The following PID1 variants were observed in gnomAD, a reference collection of about 807,000 sequenced individuals.
The protein encoded by PID1 is phosphotyrosine interaction domain containing 1.
In PID1, 10 loss-of-function variants were observed where a neutral mutation model predicts 19.1. That is an observed-to-expected ratio of 0.52 (90% CI 0.32 to 0.89). The LOEUF (loss-of-function observed/expected upper bound fraction) is 0.89, where lower values mean the gene tolerates loss of function less well. Ranked by LOEUF, PID1 falls within the 40% of genes least tolerant of loss-of-function variation. The pLI is 0.03. For synonymous variants in PID1, 130 were observed against 116.0 expected (o/e 1.12, Z -0.78); for missense variants, 248 against 285.3 (o/e 0.87, Z 0.94).
At chr2:229,087,434 T>C (rs1391700217) in intron 2 of PID1, among the ~76,000 whole-genome samples, 1 of 152,140 alleles carries the variant, frequency 6.6e-6, no homozygotes, top group African/African-American at 2.4e-5. Context: ...CCTTGGGAGA[T>C]AGTGACTGGC....
At chr2:229,027,771 G>A (rs190445948) in intron 2 of PID1, among the ~76,000 whole-genome samples, 5 of 152,332 alleles carry the variant, frequency 3.3e-5, no homozygotes, top group East Asian at 3.9e-4. Flanking sequence ...CTGAGCACAC[G>A]TAAAGCGGTA....
chr2:229,094,316 A>G (rs1694932632), intron 2 of PID1, among the ~76,000 whole-genome samples: 1 of 152,196 alleles, frequency 6.6e-6, no homozygotes, highest in Admixed American at 6.5e-5. Flanking sequence ...AAAGCCATCC[A>G]TCCCATGGCC....
chr2:229,208,639 C>A (rs1691660302), intron 1 of PID1, among the ~76,000 whole-genome samples: 1 of 152,166 alleles, frequency 6.6e-6, no homozygotes, highest in Non-Finnish European at 1.5e-5. Flanking sequence ...TCCTCTTTGT[C>A]TTCTTTCCTT....
At chr2:229,215,063 TAACAC>T (rs1243233478) in intron 1 of PID1, among the ~76,000 whole-genome samples, 1 of 152,142 alleles carries the variant, frequency 6.6e-6, no homozygotes, top group Non-Finnish European at 1.5e-5. Context: ...TTTAGAAAAT[TAACAC>T]TCCCACAAAT....
At chr2:229,088,212 G>A (rs947133790) in intron 2 of PID1, among the ~76,000 whole-genome samples, 2 of 152,162 alleles carry the variant, frequency 1.3e-5, no homozygotes, top group Non-Finnish European at 2.9e-5. Context: ...GAACGGACAG[G>A]CACCTGAGGA....
intron 2 of PID1, among the ~76,000 whole-genome samples, chr2:229,101,180 T>C (rs796560704): frequency 6.6e-6 from 1 of 152,048 alleles, no homozygotes; most frequent in South Asian, 2.1e-4. Flanking sequence ...CAGGACAGAG[T>C]GGCAAATGCA....
At chr2:229,096,843 C>T (rs1304116115) in intron 2 of PID1, among the ~76,000 whole-genome samples, 3 of 152,080 alleles carry the variant, frequency 2.0e-5, no homozygotes, top group African/African-American at 7.2e-5. Context: ...TAATAATAAC[C>T]CCACAGTTGG....
chr2:229,214,022 A>G (rs969053157), intron 1 of PID1, among the ~76,000 whole-genome samples: 28 of 152,342 alleles, frequency 1.8e-4, no homozygotes, highest in African/African-American at 6.3e-4. Flanking sequence ...AAGGAAACCG[A>G]AACATGGAGC....
intron 2 of PID1, among the ~76,000 whole-genome samples, chr2:229,080,353 A>G (rs1024117472): frequency 6.6e-6 from 1 of 152,050 alleles, no homozygotes; most frequent in African/African-American, 2.4e-5. Flanking sequence ...CCTTTCCCTG[A>G]GTCAACACAT....
intron 1 of PID1, among the ~76,000 whole-genome samples, chr2:229,191,648 T>C (rs1162039405): frequency 6.6e-6 from 1 of 152,222 alleles, no homozygotes; most frequent in Non-Finnish European, 1.5e-5. Flanking sequence ...ACATTCTTAA[T>C]ACTTCAACAA....
At chr2:229,048,043 G>A (rs1236846702) in intron 2 of PID1, among the ~76,000 whole-genome samples, 1 of 152,134 alleles carries the variant, frequency 6.6e-6, no homozygotes, top group Admixed American at 6.6e-5. Flanking sequence ...TGCTTTTTAG[G>A]GTGAGCCTCA....
intron 2 of PID1, among the ~76,000 whole-genome samples, chr2:229,076,003 T>C (rs1487238891): frequency 2.6e-5 from 4 of 152,194 alleles, no homozygotes; most frequent in Non-Finnish European, 5.9e-5. Context: ...AGCAGCAGGA[T>C]ACATTGGTTG....
intron 2 of PID1, among the ~76,000 whole-genome samples, chr2:229,030,566 G>T (rs1290959945): frequency 7.0e-6 from 1 of 143,816 alleles, no homozygotes; most frequent in African/African-American, 2.6e-5. Flanking sequence ...AAAAAATCCT[G>T]ATTTGCTCTA....
chr2:229,240,458 C>T (rs1689841896), intron 1 of PID1, among the ~76,000 whole-genome samples: 1 of 152,142 alleles, frequency 6.6e-6, no homozygotes, highest in Non-Finnish European at 1.5e-5. Context: ...GTTTTCATGT[C>T]CATGGTGTAT....
chr2:229,068,055 T>C (rs1413227975), intron 2 of PID1, among the ~76,000 whole-genome samples: 2 of 152,232 alleles, frequency 1.3e-5, no homozygotes, highest in Non-Finnish European at 2.9e-5. Context: ...ATGGACAGTC[T>C]CTGTCTAGCT....
chr2:229,218,420 A>T (rs534290487), intron 1 of PID1, among the ~76,000 whole-genome samples: 1 of 151,990 alleles, frequency 6.6e-6, no homozygotes, highest in African/African-American at 2.4e-5. Context: ...GTCAAGTTGC[A>T]CAAGTCGTAA....
At chr2:229,032,422 T>C (rs1196225327) in intron 2 of PID1, among the ~76,000 whole-genome samples, 1 of 152,222 alleles carries the variant, frequency 6.6e-6, no homozygotes, top group Non-Finnish European at 1.5e-5. Context: ...TGTTATCCTG[T>C]CTATGAAAGA....
chr2:229,072,105 C>A lies in PID1; in HGVS notation c.178-45997G>T. On this transcript the variant is annotated intron_variant, in intron 2 of 2. Transcript: ENST00000392055. ...AATTTGCATTTTCAAAGGAACAATA[C>A]GATTTAGTCCATCAATCTGAACCAA... Among the ~76,000 whole-genome samples the A allele has an allele frequency of 2.0e-5, 3 of 152,210 alleles. No individual in the cohort carries two copies. The Middle Eastern group carries it at 0.01, about 518-fold the overall frequency.
chr2:229,195,761 AT>A (rs781660629), intron 1 of PID1, among the ~76,000 whole-genome samples: 2 of 152,056 alleles, frequency 1.3e-5, no homozygotes, highest in African/African-American at 2.4e-5. Flanking sequence ...GTTGTAAGAT[AT>A]TCCCAGGCTT....
Sources: gnomAD v4.1 joint callset for allele counts (sites outside exome capture counted in the v4.1 genomes callset) on GRCh38, gnomAD v4.1.1 for gene constraint, MANE v1.5 for transcripts, NCBI Gene and HGNC (gene_info 2026-07-23, HGNC 2026-07-21) for gene names.